Variants in GPATCH8 observed in about 807,000 individuals in gnomAD.
The protein encoded by GPATCH8 is G patch domain-containing protein 8.
GPATCH8 carries 18 observed loss-of-function variants against 118.3 expected under a neutral mutation model. That is an observed-to-expected ratio of 0.15 (90% CI 0.11 to 0.23). The LOEUF is 0.23. Ranked by LOEUF, GPATCH8 falls within the 10% of genes least tolerant of loss-of-function variation. The pLI, the probability that GPATCH8 is intolerant of heterozygous loss-of-function variation, is 1.00. For missense variants in GPATCH8, 1,631 were observed against 1,873.8 expected (o/e 0.87, Z 2.39); for synonymous variants, 659 against 684.7 (o/e 0.96, Z 0.59).
Position 44,397,004 on chromosome 17 carries a change from A to G in GPATCH8, c.*564T>C, listed in dbSNP as rs572719339. 8 of 454,006 alleles carry G rather than the reference A, an allele frequency of 1.8e-5. No individual in the cohort carries two copies. The highest frequency in any genetic ancestry group is 2.2e-5 in the Non-Finnish European group (5 of 226,778). 28.1% of individuals were successfully genotyped at this position (454,006 alleles called of 1,614,324 possible). A position where few individuals can be genotyped will look rare whatever the true frequency, so the allele number is the denominator to read the frequency against. ...ACTGGATGGAATTGCAGCCTGAGTT[A>G]TATCAGGTTCCAGGTGAGACGCTTT... On this transcript the variant is annotated 3_prime_UTR_variant, in exon 8 of 8. Coordinates refer to ENST00000591680, the MANE Select transcript of GPATCH8 (RefSeq NM_001002909.4).
chr17:44,501,493 G>A (rs1970067046), intron 1 of GPATCH8, among the ~76,000 whole-genome samples: 1 of 151,952 alleles, frequency 6.6e-6, no homozygotes, highest in South Asian at 2.1e-4. Flanking sequence ...AGAAAATGAA[G>A]TATACGTATC....
intron 1 of GPATCH8, among the ~76,000 whole-genome samples, chr17:44,478,827 C>T (rs1019471313): frequency 6.6e-6 from 1 of 152,104 alleles, no homozygotes; most frequent in Non-Finnish European, 1.5e-5. Flanking sequence ...GTAACCTTAA[C>T]TCCTGGGCTC....
At chr17:44,488,942 T>C (rs1428263160) in intron 1 of GPATCH8, among the ~76,000 whole-genome samples, 1 of 151,068 alleles carries the variant, frequency 6.6e-6, no homozygotes, top group Non-Finnish European at 1.5e-5. Flanking sequence ...AAAAATTAGC[T>C]GGGCATGATG....
At chr17:44,406,877 AAC>A (rs1185496952) in intron 6 of GPATCH8, among the ~76,000 whole-genome samples, 4 of 152,242 alleles carry the variant, frequency 2.6e-5, no homozygotes, top group Admixed American at 6.5e-5. Context: ...ACCAAAAAAG[AAC>A]AGTGTTATGA....
At chr17:44,441,098 T>A (rs1038200974) in intron 3 of GPATCH8, among the ~76,000 whole-genome samples, 18 of 152,188 alleles carry the variant, frequency 1.2e-4, no homozygotes, top group African/African-American at 4.1e-4. Flanking sequence ...ATCTGCCACC[T>A]TGGCCTCCCA....
chr17:44,397,236 G>A lies in GPATCH8; in HGVS notation c.*332C>T, dbSNP rs560253877. ...AAAATTTACAGAAGGGAAGAGCAGA[G>A]GAAAAAAGCAGAGGGAGGAGGGGAT... On this transcript the variant is annotated 3_prime_UTR_variant, in exon 8 of 8. Transcript: ENST00000591680. The A allele has an allele frequency of 2.6e-5, 13 of 508,386 alleles. No homozygotes were observed. In the Admixed American group the frequency reaches 2.9e-4, roughly 12 times the overall value. The allele number at this position is 508,386 out of a possible 1,614,324, so 31.5% of individuals were successfully genotyped here. A position where few individuals can be genotyped will look rare whatever the true frequency, so the allele number is the denominator to read the frequency against.
At chr17:44,439,151 G>C (rs150296933) in intron 3 of GPATCH8, among the ~76,000 whole-genome samples, 100 of 152,252 alleles carry the variant, frequency 6.6e-4, no homozygotes, top group African/African-American at 2.3e-3. Context: ...AGGAGGCTTG[G>C]AGTATGGGTG....
In GPATCH8 at chr17:44,400,803, G is replaced by C; in HGVS notation, c.1274C>G (p.Thr425Ser). 3 of 1,614,014 alleles carry C rather than the reference G, an allele frequency of 1.9e-6. No individual in the cohort carries two copies. Among genetic ancestry groups the C allele is most frequent in the Non-Finnish European group, 2.5e-6 (3 of 1,179,884 alleles). Residue 425 changes from threonine (T) to serine (S), a missense_variant, in exon 8 of 8, where the codon ACT becomes AGT. Coordinates refer to ENST00000591680, the MANE Select transcript of GPATCH8 (RefSeq NM_001002909.4). The part of the protein sequence containing the change: ...RASEQMDGDN[T>S]THPKNAPESK... The stretch of plus-strand genomic sequence containing the variant: ...CTCTGGGGCATTCTTTGGGTGTGTA[G>C]TATTATCACCATCCATTTGTTCACT...
At chr17:44,415,428 C>T (rs2049638569) in intron 6 of GPATCH8, among the ~76,000 whole-genome samples, 2 of 152,142 alleles carry the variant, frequency 1.3e-5, no homozygotes, top group Admixed American at 1.3e-4. Context: ...TCTGAAAACC[C>T]AAAATGCTCC....
intron 3 of GPATCH8, among the ~76,000 whole-genome samples, chr17:44,452,485 A>C (rs2051154603): frequency 6.6e-6 from 1 of 152,096 alleles, no homozygotes; most frequent in Non-Finnish European, 1.5e-5. Flanking sequence ...TGCTAGTCAA[A>C]CATGTGCATA....
At chr17:44,413,263 T>C (rs926858927) in intron 6 of GPATCH8, among the ~76,000 whole-genome samples, 11 of 152,112 alleles carry the variant, frequency 7.2e-5, no homozygotes, top group African/African-American at 1.7e-4. Flanking sequence ...AAGAAAAAAA[T>C]ACAAATTCTT....
intron 3 of GPATCH8, among the ~76,000 whole-genome samples, chr17:44,437,520 T>A (rs1416995586): frequency 6.6e-6 from 1 of 152,180 alleles, no homozygotes; most frequent in Non-Finnish European, 1.5e-5. Flanking sequence ...TCACTCAGGC[T>A]GGTGTAAACA....
At chr17:44,427,954 T>C (rs1005296360) in intron 5 of GPATCH8, among the ~76,000 whole-genome samples, 9 of 152,286 alleles carry the variant, frequency 5.9e-5, no homozygotes, top group Admixed American at 3.3e-4. Context: ...CATCCATCCA[T>C]TTATTTCCCA....
In GPATCH8 at chr17:44,453,497, A is replaced by AGG. The variant is rs1491131836; in HGVS notation, c.193+10973_193+10974dup. ...TCTAGTTGTAGGTAGGTAGGTAGGT[A>AGG]GGGGTGTGTGTGTGTGTGTGTGTGT... On this transcript the variant is annotated intron_variant, in intron 3 of 7. Coordinates refer to ENST00000591680, the MANE Select transcript of GPATCH8 (RefSeq NM_001002909.4). 3.8e-4 allele frequency among the ~76,000 whole-genome samples: 10 copies of AGG among 26,370 alleles called. 1 individual carries two copies. The East Asian group carries it at 7.6e-3, about 20-fold the overall frequency. 17.3% of individuals were successfully genotyped at this position (26,370 alleles called of 152,430 possible).
chr17:44,487,404 T>A (rs1228639060), intron 1 of GPATCH8, among the ~76,000 whole-genome samples: 1 of 152,220 alleles, frequency 6.6e-6, no homozygotes, highest in East Asian at 1.9e-4. Flanking sequence ...ATTCACCTAC[T>A]GAAGGATATC....
At chr17:44,411,985 C>T (rs890494412) in intron 6 of GPATCH8, among the ~76,000 whole-genome samples, 7 of 152,130 alleles carry the variant, frequency 4.6e-5, no homozygotes, top group Non-Finnish European at 8.8e-5. Flanking sequence ...TACAATGGCG[C>T]AATCTCAGCT....
Position 44,397,506 on chromosome 17 carries a change from AC to A in GPATCH8, c.*61del. The A allele has an allele frequency of 1.7e-6, 2 of 1,148,586 alleles. No individual in the cohort carries two copies. Among genetic ancestry groups the A allele is most frequent in the Non-Finnish European group, 2.6e-6 (2 of 758,448 alleles). The allele number at this position is 1,148,586 out of a possible 1,614,324, so 71.1% of individuals were successfully genotyped here. Reference sequence around the variant, plus strand: ...TACTTGCTGGTATTAATGGCTCAACACCCCCAAGGGAACATTTATGGGTCTC... The same window carrying A: ...TACTTGCTGGTATTAATGGCTCAACACCCCAAGGGAACATTTATGGGTCTC... On this transcript the variant is annotated 3_prime_UTR_variant, in exon 8 of 8. Transcript: ENST00000591680.
At chr17:44,475,204 C>T (rs1489339232) in intron 1 of GPATCH8, among the ~76,000 whole-genome samples, 1 of 150,634 alleles carries the variant, frequency 6.6e-6, no homozygotes, top group Non-Finnish European at 1.5e-5. Context: ...AATAATGAAA[C>T]TCCATCTCCA....
At chr17:44,473,228 G>A (rs1245531071) in intron 2 of GPATCH8, 1 of 149,148 alleles carries the variant, frequency 6.7e-6, no homozygotes, top group East Asian at 2.0e-4. Context: ...TCTGCCTCCC[G>A]GGTTCATGCC....
Sources: gnomAD v4.1 joint callset for allele counts (sites outside exome capture counted in the v4.1 genomes callset) on GRCh38, gnomAD v4.1.1 for gene constraint, MANE v1.5 for transcripts, NCBI Gene and HGNC (gene_info 2026-07-23, HGNC 2026-07-21) for gene names.